Variants in ANKRD55 observed in about 807,000 individuals in gnomAD.
ANKRD55 encodes the protein ankyrin repeat domain-containing protein 55.
In ANKRD55, 41 loss-of-function variants were observed where a neutral mutation model predicts 60.6. That is an observed-to-expected ratio of 0.68 (90% CI 0.53 to 0.88). ANKRD55 has a LOEUF of 0.88. ANKRD55 is among the 40% of genes least tolerant of loss of function. ANKRD55 has a pLI of 0.00. For synonymous variants in ANKRD55, 264 were observed against 290.3 expected (o/e 0.91, Z 0.92); for missense variants, 732 against 767.6 (o/e 0.95, Z 0.55).
chr5:56,210,501 G>T lies in ANKRD55; in HGVS notation c.58+22355C>A, dbSNP rs923184948. Among the ~76,000 whole-genome samples, 3 of 144,814 alleles carry T rather than the reference G, an allele frequency of 2.1e-5. No individual in the cohort carries two copies. In the South Asian group the frequency reaches 6.5e-4, roughly 31 times the overall value. On this transcript the variant is annotated intron_variant, in intron 2 of 11. Coordinates refer to ENST00000341048, the MANE Select transcript of ANKRD55 (RefSeq NM_024669.3). ...GGCGTGAACCCGGGAGGCGGAGCTTGCAGTGAGCCGAGATCGCGCGACTGC... is the reference window on the plus strand; with the variant it reads ...GGCGTGAACCCGGGAGGCGGAGCTTTCAGTGAGCCGAGATCGCGCGACTGC...
rs199955530 is a variant in ANKRD55 at position 56,122,563 on chromosome 5, A to G, written c.797+4359T>C. On this transcript the variant is annotated intron_variant, in intron 8 of 11. Coordinates refer to ENST00000341048, the MANE Select transcript of ANKRD55 (RefSeq NM_024669.3). ...AGTCCCAGCTACTCGGGAGGCTGAG[A>G]CAGGAGAATCGCTTGAACCAGGGAG... Among the ~76,000 whole-genome samples, 7 of 151,790 alleles carry G rather than the reference A, an allele frequency of 4.6e-5. No individual in the cohort carries two copies. The East Asian group carries it at 1.4e-3, about 30-fold the overall frequency.
At chr5:56,196,103 C>T (rs1334529713) in intron 2 of ANKRD55, among the ~76,000 whole-genome samples, 1 of 152,118 alleles carries the variant, frequency 6.6e-6, no homozygotes, top group Non-Finnish European at 1.5e-5. Context: ...GGTTTAAATT[C>T]TTGCTCCAAC....
chr5:56,163,406 C>T (rs527633758), intron 5 of ANKRD55, among the ~76,000 whole-genome samples: 3 of 152,246 alleles, frequency 2.0e-5, no homozygotes, highest in African/African-American at 4.8e-5. Flanking sequence ...TGTTGTGCTT[C>T]CCCCGAGCTC....
intron 9 of ANKRD55, 111 bp downstream of exon 9, chr5:56,116,499 TTATAA>T (rs1756891530): frequency 1.2e-6 from 1 of 859,004 alleles, no homozygotes; most frequent in Non-Finnish European, 1.6e-6. Context: ...ATTAATTATA[TTATAA>T]AAGTATAATA....
chr5:56,120,899 CAAAA>C (rs34532327), intron 8 of ANKRD55, among the ~76,000 whole-genome samples: 1 of 81,154 alleles, frequency 1.2e-5, no homozygotes, highest in South Asian at 4.7e-4. Flanking sequence ...GACTCCGTCT[CAAAA>C]AAAAAAAAAA....
intron 2 of ANKRD55, among the ~76,000 whole-genome samples, chr5:56,199,869 T>G (rs368283562): frequency 1.0e-3 from 147 of 144,756 alleles, no homozygotes; most frequent in African/African-American, 3.5e-3. Context: ...CCAGCCTGGG[T>G]GACAGAGTGA....
At chr5:56,122,783 T>A (rs1049916905) in intron 8 of ANKRD55, among the ~76,000 whole-genome samples, 2 of 150,604 alleles carry the variant, frequency 1.3e-5, no homozygotes, top group South Asian at 4.2e-4. Flanking sequence ...ATTCCTTTTT[T>A]GAGATACGGT....
At chr5:56,228,209 T>A (rs768961538) in intron 2 of ANKRD55, among the ~76,000 whole-genome samples, 1 of 152,074 alleles carries the variant, frequency 6.6e-6, no homozygotes, top group Non-Finnish European at 1.5e-5. Context: ...GAGGAGGAGT[T>A]TATCCTGGAT....
At chr5:56,154,018 T>C (rs1444951278) in intron 6 of ANKRD55, among the ~76,000 whole-genome samples, 1 of 150,832 alleles carries the variant, frequency 6.6e-6, no homozygotes, top group African/African-American at 2.4e-5. Flanking sequence ...GAGACCACCC[T>C]GGCTAACACA....
At chr5:56,141,992 G>A (rs1247044534) in intron 7 of ANKRD55, among the ~76,000 whole-genome samples, 1 of 152,160 alleles carries the variant, frequency 6.6e-6, no homozygotes, top group Non-Finnish European at 1.5e-5. Flanking sequence ...GAGTTGAGTA[G>A]GTTGTTCTTA....
At position 56,111,374 on chromosome 5, in the gene ANKRD55, G is replaced by A. The variant is rs767101420; in HGVS notation, c.1374C>T (p.Gly458=). 4.3e-6 allele frequency: 7 copies of A among 1,614,054 alleles called. No individual in the cohort carries two copies. In the Admixed American group the frequency reaches 6.7e-5, roughly 15 times the overall value. The change falls in exon 10 of 12, where the codon GGC becomes GGT. Residue 458 remains glycine, a synonymous_variant. Coordinates refer to ENST00000341048, the MANE Select transcript of ANKRD55 (RefSeq NM_024669.3). Reference sequence around the variant, plus strand: ...CCATATGATGAGGAGCAGAGCTCAGGCCTGCATGGGAAGTGGCCCTATGGG... The same window carrying A: ...CCATATGATGAGGAGCAGAGCTCAGACCTGCATGGGAAGTGGCCCTATGGG... ...TASHRATSHA[G]LSSAPHHMAQ...
At chr5:56,142,369 A>C (rs916359818) in intron 7 of ANKRD55, among the ~76,000 whole-genome samples, 23 of 151,730 alleles carry the variant, frequency 1.5e-4, no homozygotes, top group African/African-American at 5.3e-4. Flanking sequence ...AACAACAAAA[A>C]CCCAGCGATT....
chr5:56,196,421 C>A (rs1187901990), intron 2 of ANKRD55, among the ~76,000 whole-genome samples: 1 of 152,114 alleles, frequency 6.6e-6, no homozygotes, highest in Non-Finnish European at 1.5e-5. Context: ...TTATCGAGTG[C>A]CTACTGTGTG....
chr5:56,182,971 G>A (rs1758882952), intron 3 of ANKRD55, among the ~76,000 whole-genome samples: 1 of 152,296 alleles, frequency 6.6e-6, no homozygotes, highest in African/African-American at 2.4e-5. Context: ...GTCTGTGCCT[G>A]TTGACATTTC....
intron 1 of ANKRD55, 71 bp from the exon 2 acceptor site, chr5:56,233,017 G>T: frequency 9.3e-7 from 1 of 1,076,284 alleles, no homozygotes; most frequent in Non-Finnish European, 1.4e-6. Context: ...CGTTTGCCAA[G>T]ACCTCTGTTT....
In ANKRD55 at chr5:56,127,003, G is replaced by A. The variant is rs199752327; in HGVS notation, c.716C>T (p.Ala239Val). The A allele has an allele frequency of 1.2e-5, 20 of 1,613,706 alleles. No homozygotes were observed. Among genetic ancestry groups the A allele is most frequent in the South Asian group, 7.7e-5 (7 of 91,020 alleles). ...AATAATATCGCTGAAGCCCGCTGCC[G>A]CTGCGATATGTACACATGTCTTCCC... ...ESGKTCVHIA[A>V]AAGFSDIIHE... is the part of the protein sequence containing the mutation. The change falls in exon 8 of 12, where the codon GCG becomes GTG. Residue 239 changes from alanine to valine, a missense_variant. Transcript: ENST00000341048.
chr5:56,199,483 A>C (rs1759307863), intron 2 of ANKRD55, among the ~76,000 whole-genome samples: 1 of 152,158 alleles, frequency 6.6e-6, no homozygotes, highest in Admixed American at 6.5e-5. Flanking sequence ...ATCACCATTA[A>C]GTCAGAAAAA....
chr5:56,127,503 AAC>A, intron 7 of ANKRD55: 1 of 985,250 alleles, frequency 1.0e-6, no homozygotes, highest in Non-Finnish European at 1.2e-6. Flanking sequence ...ACCACCAAGA[AAC>A]TGACAGAGTT....
chr5:56,158,266 CCTAGCTTCCTTG>C (rs1160331058), intron 6 of ANKRD55, among the ~76,000 whole-genome samples: 2 of 152,100 alleles, frequency 1.3e-5, no homozygotes, highest in Admixed American at 1.3e-4. Flanking sequence ...CCTATGGTCA[CCTAGCTTCCTTG>C]AAAATAATGT....
Sources: gnomAD v4.1 joint callset for allele counts (sites outside exome capture counted in the v4.1 genomes callset) on GRCh38, gnomAD v4.1.1 for gene constraint, MANE v1.5 for transcripts, NCBI Gene and HGNC (gene_info 2026-07-23, HGNC 2026-07-21) for gene names.